The following TNIK variants were observed in gnomAD, a reference collection of about 807,000 sequenced individuals.
TNIK encodes TRAF2 and NCK interacting kinase.
In TNIK, 49 loss-of-function variants were observed where a neutral mutation model predicts 191.3. The ratio of observed to expected loss-of-function variants is 0.26; its 90% confidence interval spans 0.20 to 0.32. TNIK has a LOEUF of 0.32. Ranked by LOEUF, TNIK falls within the 10% of genes least tolerant of loss-of-function variation. TNIK has a pLI of 1.00. For missense variants in TNIK, 1,155 were observed against 1,702.3 expected, an observed-to-expected ratio of 0.68 and a Z score of 5.66; for synonymous variants, 594 against 600.9, an observed-to-expected ratio of 0.99 and a Z score of 0.17.
At chr3:171,335,601 T>C (rs1756879664) in intron 2 of TNIK, among the ~76,000 whole-genome samples, 1 of 152,242 alleles carries the variant, frequency 6.6e-6, no homozygotes, top group African/African-American at 2.4e-5. Context: ...TATCAGTAGC[T>C]CATTCATTTT....
chr3:171,089,685 A>C (rs1721821410), intron 23 of TNIK, among the ~76,000 whole-genome samples: 1 of 152,192 alleles, frequency 6.6e-6, no homozygotes, highest in African/African-American at 2.4e-5. Context: ...CTGTGTGCCA[A>C]GTACTGTACT....
chr3:171,076,635 A>G (rs760802367), intron 28 of TNIK, among the ~76,000 whole-genome samples: 3 of 152,176 alleles, frequency 2.0e-5, no homozygotes, highest in East Asian at 1.9e-4. Context: ...CTTATCAGCT[A>G]TGGATTGAAC....
intron 2 of TNIK, among the ~76,000 whole-genome samples, chr3:171,277,090 G>A (rs1294375697): frequency 6.6e-6 from 1 of 152,092 alleles, no homozygotes; most frequent in Non-Finnish European, 1.5e-5. Context: ...TTCAGGGGTG[G>A]GTGACACAGG....
chr3:171,275,929 A>T (rs532753746), intron 2 of TNIK, among the ~76,000 whole-genome samples: 19 of 151,700 alleles, frequency 1.3e-4, no homozygotes, highest in Non-Finnish European at 2.1e-4. Flanking sequence ...ATAAAAAATT[A>T]AAAAAATAGA....
At chr3:171,155,417 G>A (rs911444575) in intron 12 of TNIK, among the ~76,000 whole-genome samples, 2 of 152,256 alleles carry the variant, frequency 1.3e-5, no homozygotes, top group African/African-American at 4.8e-5. Context: ...AAAAGAGAAA[G>A]CTGGAATAAT....
intron 1 of TNIK, among the ~76,000 whole-genome samples, chr3:171,386,959 C>G (rs970647388): frequency 6.6e-6 from 1 of 152,088 alleles, no homozygotes; most frequent in Non-Finnish European, 1.5e-5. Context: ...ATAAAATGTC[C>G]CTGCTCCTCC....
At chr3:171,328,183 G>T (rs1756024232) in intron 2 of TNIK, among the ~76,000 whole-genome samples, 1 of 152,168 alleles carries the variant, frequency 6.6e-6, no homozygotes, top group African/African-American at 2.4e-5. Context: ...ATAGGTCCCA[G>T]AGAAGCCATT....
At chr3:171,176,676 T>TCAC (rs1735994924) in intron 8 of TNIK, among the ~76,000 whole-genome samples, 1 of 152,236 alleles carries the variant, frequency 6.6e-6, no homozygotes, top group Non-Finnish European at 1.5e-5. Flanking sequence ...CTGTGCTAGG[T>TCAC]CACTGGCGGG....
intron 2 of TNIK, among the ~76,000 whole-genome samples, chr3:171,245,032 G>T (rs1745439773): frequency 6.6e-6 from 1 of 152,100 alleles, no homozygotes; most frequent in South Asian, 2.1e-4. Context: ...CTTCCTGGAT[G>T]CCAATACTCT....
chr3:171,110,606 CAGT>C, intron 19 of TNIK, 105 bp downstream of exon 19: 1 of 1,384,954 alleles, frequency 7.2e-7, no homozygotes, highest in Non-Finnish European at 9.6e-7. Context: ...CAGGATCACA[CAGT>C]GGTGGCCATG....
intron 22 of TNIK, among the ~76,000 whole-genome samples, chr3:171,097,743 ACT>A (rs1195814920): frequency 6.6e-6 from 1 of 151,920 alleles, no homozygotes; most frequent in Non-Finnish European, 1.5e-5. Flanking sequence ...AACTTTATAC[ACT>A]CTCAGGTATT....
chr3:171,330,382 A>G (rs1463907289), intron 2 of TNIK, among the ~76,000 whole-genome samples: 1 of 152,232 alleles, frequency 6.6e-6, no homozygotes, highest in Non-Finnish European at 1.5e-5. Flanking sequence ...AAGATAGAAG[A>G]AGGAAGGCTT....
chr3:171,174,193 C>T (rs1053514220), intron 9 of TNIK, among the ~76,000 whole-genome samples: 13 of 152,252 alleles, frequency 8.5e-5, no homozygotes, highest in Admixed American at 5.9e-4. Flanking sequence ...GGGTGGCTCT[C>T]ATTAGTAGAT....
chr3:171,433,028 C>G (rs1447242521), intron 1 of TNIK, among the ~76,000 whole-genome samples: 1 of 152,036 alleles, frequency 6.6e-6, no homozygotes, highest in East Asian at 1.9e-4. Flanking sequence ...TTAACAAACA[C>G]TGGAAGGATG....
chr3:171,129,800 A>G (rs1207248009), intron 15 of TNIK, among the ~76,000 whole-genome samples: 1 of 152,224 alleles, frequency 6.6e-6, no homozygotes, highest in African/African-American at 2.4e-5. Flanking sequence ...TACAGCAGAA[A>G]GACTGCCTCG....
rs1331163854 is a variant in TNIK, at chr3:171,066,238, A to G, written c.3948T>C (p.Phe1316=). The change falls in exon 32 of 33, where the codon TTT becomes TTC. Residue 1316 remains phenylalanine (F), a synonymous_variant. Coordinates refer to ENST00000436636, the MANE Select transcript of TNIK (RefSeq NM_015028.4). Reference sequence around the variant, plus strand: ...TTAACCTTTGAGCTCGCTTATGCATAAATACTCCATCCAAATGTCCTGTTT... The same window carrying G: ...TTAACCTTTGAGCTCGCTTATGCATGAATACTCCATCCAAATGTCCTGTTT... ...SVETGHLDGV[F]MHKRAQRLKF... is the part of the protein sequence containing the mutation. The G allele has an allele frequency of 6.2e-7, 1 of 1,613,872 alleles. No homozygotes were observed. The highest frequency in any genetic ancestry group is 8.5e-7 in the Non-Finnish European group (1 of 1,179,900).
intron 1 of TNIK, among the ~76,000 whole-genome samples, chr3:171,418,235 C>A (rs1408589722): frequency 6.6e-6 from 1 of 152,118 alleles, no homozygotes; most frequent in Non-Finnish European, 1.5e-5. Flanking sequence ...TTTGGTAATT[C>A]TTCTGTATTC....
At chr3:171,146,198 C>A (rs1168250499) in intron 12 of TNIK, among the ~76,000 whole-genome samples, 2 of 152,210 alleles carry the variant, frequency 1.3e-5, no homozygotes, top group African/African-American at 4.8e-5. Flanking sequence ...TGTGCACTGA[C>A]CCCGCTCCTG....
intron 1 of TNIK, among the ~76,000 whole-genome samples, chr3:171,458,700 C>T (rs1729053516): frequency 6.6e-6 from 1 of 152,242 alleles, no homozygotes; most frequent in Admixed American, 6.5e-5. Context: ...CAGCATCAAT[C>T]TAACAATGTA....
Sources: allele counts gnomAD v4.1 joint callset (sites outside exome capture counted in the v4.1 genomes callset), GRCh38; gene constraint gnomAD v4.1.1; transcripts MANE v1.5; gene names NCBI Gene and HGNC (gene_info 2026-07-23, HGNC 2026-07-21).